Variants in PIP5K1C observed in about 807,000 individuals in gnomAD.
PIP5K1C encodes phosphatidylinositol 4-phosphate 5-kinase type-1 gamma.
Under a neutral mutation model 80.1 loss-of-function variants are expected in PIP5K1C, and 45 were observed. The ratio of observed to expected loss-of-function variants is 0.56; its 90% CI spans 0.44 to 0.72. PIP5K1C has a LOEUF of 0.72. Ranked by LOEUF, PIP5K1C falls within the 30% of genes least tolerant of loss-of-function variation. The pLI is 0.00. For missense variants in PIP5K1C, 753 were observed against 954.6 expected (o/e 0.79, Z 2.78); for synonymous variants, 498 against 420.1 (o/e 1.19, Z -2.27).
chr19:3,644,302 A>G, intron 11 of PIP5K1C, 51 bp from the exon 12 acceptor site: 1 of 1,586,084 alleles, frequency 6.3e-7, no homozygotes, highest in South Asian at 1.1e-5. Flanking sequence ...GGCTCATAGC[A>G]AAGCCCAGAC....
At position 3,637,573 on chromosome 19, in the gene PIP5K1C, C is replaced by T. The variant is rs1309580849; in HGVS notation, c.1920+1311G>A. 1.9e-5 allele frequency: 25 copies of T among 1,338,690 alleles called. No individual in the cohort carries two copies. The highest frequency in any genetic ancestry group is 1.8e-4 in the South Asian group (15 of 81,356). The allele number at this position is 1,338,690 out of a possible 1,614,324, so 82.9% of individuals were successfully genotyped here. A position where few individuals can be genotyped will look rare whatever the true frequency, so the allele number is the denominator to read the frequency against. On this transcript the variant is annotated intron_variant, in intron 16 of 17. Coordinates refer to ENST00000335312, the MANE Select transcript of PIP5K1C (RefSeq NM_012398.3). The surrounding 1 kb of genome is among the most constrained non-coding windows in gnomAD (Gnocchi z 7.0). Reference sequence around the variant, plus strand: ...GCTCAGCGTCACGGCCCGCAGTCGGCGATGGCGGGGAGAGTAAATCCAGTA... The same window carrying T: ...GCTCAGCGTCACGGCCCGCAGTCGGTGATGGCGGGGAGAGTAAATCCAGTA...
rs780866109 is a variant in PIP5K1C, at chr19:3,641,709, C to T, written c.1783G>A (p.Ala595Thr). 5 of 1,606,842 alleles carry T rather than the reference C, an allele frequency of 3.1e-6. No individual in the cohort carries two copies. Among genetic ancestry groups the T allele is most frequent in the East Asian group, 2.2e-5 (1 of 44,870 alleles). ...TCCCGCCGAGGCCGTGCTCACCCTG[C>T]GTCCTCCTCTTTGGGGACCACAATC... ...VEIVVPKEED[A>T]GVEASPAGAS... The change falls in exon 15 of 18, where the codon GCA becomes ACA. Residue 595 changes from alanine (A) to threonine (T), a missense_variant. Ala to Thr is a moderately conservative substitution (Grantham distance 58, BLOSUM62 0). Transcript: ENST00000335312.
intron 1 of PIP5K1C, among the ~76,000 whole-genome samples, chr19:3,667,831 C>T (rs549241503): frequency 1.6e-4 from 24 of 152,318 alleles, no homozygotes; most frequent in Non-Finnish European, 2.9e-4. Flanking sequence ...AGGAGAGGCT[C>T]GGGCATGGGG....
chr19:3,647,876 G>C (rs904955884), intron 9 of PIP5K1C, among the ~76,000 whole-genome samples: 1 of 152,238 alleles, frequency 6.6e-6, no homozygotes, highest in Non-Finnish European at 1.5e-5. Context: ...CGACTCAGAA[G>C]GCAGAGGTTG....
chr19:3,680,288 C>T (rs778261300), intron 1 of PIP5K1C, among the ~76,000 whole-genome samples: 8 of 152,184 alleles, frequency 5.3e-5, no homozygotes, highest in Admixed American at 1.3e-4. Flanking sequence ...GGCCGGCTCT[C>T]TGTCTAAATG....
Position 3,688,387 on chromosome 19 carries a change from A to C in PIP5K1C, c.94+11910T>G, listed in dbSNP as rs956950305. ...CCTGTTCCTCACCTGCGAGGGGGGG[A>C]CGGCCTCTGGCCCCCTGCTGTGGGC... On this transcript the variant is annotated intron_variant, in intron 1 of 17. Transcript: ENST00000335312. This position sits in a 1 kb window ranked among gnomAD's most constrained non-coding sequence, Gnocchi z 5.3. Among the ~76,000 whole-genome samples, 1 of 151,870 alleles carries C rather than the reference A, an allele frequency of 6.6e-6. No individual in the cohort carries two copies. The highest frequency in any genetic ancestry group is 1.5e-5 in the Non-Finnish European group (1 of 67,958).
At chr19:3,661,396 C>A (rs145659909) in intron 4 of PIP5K1C, among the ~76,000 whole-genome samples, 2 of 152,232 alleles carry the variant, frequency 1.3e-5, no homozygotes, top group African/African-American at 4.8e-5. Context: ...GCCAATGACA[C>A]GAGTGGAGCA....
chr19:3,638,099 C>A, intron 16 of PIP5K1C: 1 of 1,408,782 alleles, frequency 7.1e-7, no homozygotes, highest in Non-Finnish European at 9.3e-7. Context: ...AGCCCTCCTT[C>A]CCAGGGGGTG....
chr19:3,644,114 G>C lies in PIP5K1C; in HGVS notation c.1483C>G (p.Arg495Gly). ...EEAQYDLRGA[R>G]SYPTLEDEGR... ...TCGTCCTCCAGCGTGGGGTAGCTGC[G>C]GGCCCCCCGCAGGTCGTACTGGGCC... The change falls in exon 12 of 18, where the codon CGC (arginine) becomes GGC (glycine). Residue 495 changes from arginine to glycine, a missense_variant. By Grantham distance (125) the Arg-to-Gly change is moderately radical. Coordinates refer to ENST00000335312, the MANE Select transcript of PIP5K1C (RefSeq NM_012398.3). 5 of 1,611,454 alleles carry C rather than the reference G, an allele frequency of 3.1e-6. No individual in the cohort carries two copies. Among genetic ancestry groups the C allele is most frequent in the Non-Finnish European group, 4.2e-6 (5 of 1,179,834 alleles).
chr19:3,661,926 C>T lies in PIP5K1C; in HGVS notation c.295G>A (p.Glu99Lys). 2 of 1,612,690 alleles carry T rather than the reference C, an allele frequency of 1.2e-6. No homozygotes were observed. Among genetic ancestry groups the T allele is most frequent in the Non-Finnish European group, 1.7e-6 (2 of 1,179,896 alleles). ...AAGTCCTGCATGAGCACGTCGCGTTCGGGCTTGGAGCTCAGGTGGCCCACG... is the reference window on the plus strand; with the variant it reads ...AAGTCCTGCATGAGCACGTCGCGTTTGGGCTTGGAGCTCAGGTGGCCCACG... ...YTVGHLSSKP[E>K]RDVLMQDFYV... Residue 99 changes from glutamate (E) to lysine (K), a missense_variant, in exon 4 of 18, where the codon GAA becomes AAA. By Grantham distance (56) the Glu-to-Lys change is moderately conservative. This residue lies in a region of PIP5K1C where 139 missense variants were observed against 289.7 expected (regional missense o/e 0.48). Coordinates refer to ENST00000335312, the MANE Select transcript of PIP5K1C (RefSeq NM_012398.3).
At chr19:3,675,945 G>A (rs1321086048) in intron 1 of PIP5K1C, among the ~76,000 whole-genome samples, 3 of 152,222 alleles carry the variant, frequency 2.0e-5, no homozygotes, top group African/African-American at 7.2e-5. Flanking sequence ...AGCCCCTGAG[G>A]TTAAACCCTT....
intron 1 of PIP5K1C, among the ~76,000 whole-genome samples, chr19:3,694,702 T>TC (rs2036047602): frequency 6.6e-6 from 1 of 152,132 alleles, no homozygotes; most frequent in Non-Finnish European, 1.5e-5. Flanking sequence ...TGCAGCAAGT[T>TC]CCCACCCCAC....
intron 12 of PIP5K1C, 118 bp from the exon 13 acceptor site, chr19:3,643,499 C>T (rs2034071118): frequency 1.7e-6 from 2 of 1,180,218 alleles, no homozygotes; most frequent in Non-Finnish European, 2.4e-6. Context: ...GCCCGCCTCC[C>T]AGACACTCCC....
intron 1 of PIP5K1C, among the ~76,000 whole-genome samples, chr19:3,667,566 C>T (rs767779023): frequency 6.6e-6 from 1 of 152,212 alleles, no homozygotes; most frequent in Non-Finnish European, 1.5e-5. Flanking sequence ...CATGGTCACC[C>T]TGGTTGGCAG....
At chr19:3,643,488 C>T (rs993914283) in intron 12 of PIP5K1C, 107 bp from the exon 13 acceptor site, 29 of 1,349,778 alleles carry the variant, frequency 2.1e-5, no homozygotes, top group Non-Finnish European at 2.8e-5. Context: ...GCCCAGTGCC[C>T]GCCCGCCTCC....
chr19:3,661,858 G>A lies in PIP5K1C; in HGVS notation c.350+13C>T, dbSNP rs1366836838. 7 of 1,610,576 alleles carry A rather than the reference G, an allele frequency of 4.3e-6. No individual in the cohort carries two copies. Among genetic ancestry groups the A allele is most frequent in the Non-Finnish European group, 5.1e-6 (6 of 1,179,914 alleles). On this transcript the variant is annotated intron_variant, in intron 4 of 17. Transcript: ENST00000335312. ...TGCTGGGTGAGCCCTGAGGCTCCGG[G>A]GGCCCGGCCCACCTGGGGAAGAAGA...
At chr19:3,684,038 G>C (rs10410889) in intron 1 of PIP5K1C, among the ~76,000 whole-genome samples, 2 of 144,664 alleles carry the variant, frequency 1.4e-5, no homozygotes, top group Non-Finnish European at 3.0e-5. Flanking sequence ...CAGCAGGCCC[G>C]GCCCCCAGCA....
chr19:3,669,500 G>T (rs1464796573), intron 1 of PIP5K1C, among the ~76,000 whole-genome samples: 2 of 152,214 alleles, frequency 1.3e-5, no homozygotes, highest in African/African-American at 4.8e-5. Flanking sequence ...CGGGAGAGGG[G>T]ACAGAGGAGA....
chr19:3,658,044 T>C (rs1471784263), intron 5 of PIP5K1C, among the ~76,000 whole-genome samples: 1 of 152,184 alleles, frequency 6.6e-6, no homozygotes, highest in Non-Finnish European at 1.5e-5. Context: ...TCTGTGAATA[T>C]GTTTGGGGAC....
Sources: gnomAD v4.1 joint callset for allele counts (sites outside exome capture counted in the v4.1 genomes callset) on GRCh38, gnomAD v4.1.1 for gene constraint, gnomAD v4.1.1 regional missense constraint, Gnocchi (gnomAD v3.1) non-coding constraint, MANE v1.5 for transcripts, NCBI Gene and HGNC (gene_info 2026-07-23, HGNC 2026-07-21) for gene names.